The following HECW2 variants were observed in gnomAD, a reference collection of about 807,000 sequenced individuals.
HECW2 encodes the protein HECT, C2 and WW domain containing E3 ubiquitin protein ligase 2, also known as E3 ubiquitin-protein ligase HECW2.
Under a neutral mutation model 175.2 loss-of-function variants are expected in HECW2, and 61 were observed. That is an observed-to-expected ratio of 0.35 (90% CI 0.28 to 0.43). HECW2 has a LOEUF of 0.43. HECW2 is among the 20% of genes least tolerant of loss of function. The probability of loss-of-function intolerance (pLI) is 1.00; values close to 1 mark genes in which losing one functional copy is unlikely to be tolerated. For missense variants in HECW2, 1,524 were observed against 2,000.5 expected (o/e 0.76, Z 4.54); for synonymous variants, 671 against 731.0 (o/e 0.92, Z 1.32).
At chr2:196,537,555 TGA>T (rs1689062113) in intron 1 of HECW2, among the ~76,000 whole-genome samples, 1 of 152,032 alleles carries the variant, frequency 6.6e-6, no homozygotes, top group African/African-American at 2.4e-5. Context: ...CAGGAGAAGC[TGA>T]GGTGTGGCTG....
At chr2:196,315,265 CA>C (rs550902800) in intron 10 of HECW2, among the ~76,000 whole-genome samples, 15 of 150,752 alleles carry the variant, frequency 1.0e-4, no homozygotes, top group Admixed American at 7.3e-4. Context: ...TTATATTTTA[CA>C]AAAAAAAGTT....
intron 1 of HECW2, among the ~76,000 whole-genome samples, chr2:196,589,716 G>A (rs1374256744): frequency 6.6e-6 from 1 of 152,198 alleles, no homozygotes; most frequent in Non-Finnish European, 1.5e-5. Context: ...ACTAGATCTT[G>A]AAACTTGCAT....
chr2:196,461,865 C>T (rs1696758650), intron 1 of HECW2, among the ~76,000 whole-genome samples: 1 of 152,108 alleles, frequency 6.6e-6, no homozygotes, highest in African/African-American at 2.4e-5. Context: ...ATGGGGACCA[C>T]AGGAACCATG....
At chr2:196,410,117 G>A (rs959597428) in intron 2 of HECW2, among the ~76,000 whole-genome samples, 1 of 152,172 alleles carries the variant, frequency 6.6e-6, no homozygotes, top group Admixed American at 6.5e-5. Context: ...TAGGATGGCA[G>A]TGTTATTGTG....
At chr2:196,377,512 C>T (rs1327496121) in intron 2 of HECW2, among the ~76,000 whole-genome samples, 1 of 152,148 alleles carries the variant, frequency 6.6e-6, no homozygotes, top group East Asian at 1.9e-4. Context: ...CAGGGGAACT[C>T]CCCTTTATAA....
In HECW2 at chr2:196,306,538, C is replaced by A; in HGVS notation, c.2764G>T (p.Val922Leu). The change falls in exon 13 of 29, where the codon GTG (valine) becomes TTG (leucine). Residue 922 changes from valine to leucine, a missense_variant. This residue lies in a region of HECW2 where 105 missense variants were observed against 98.1 expected (regional missense o/e 1.07). Coordinates refer to ENST00000644978, the MANE Select transcript of HECW2 (RefSeq NM_001348768.2). ...RITLLLQSPP[V>L]KFLISPEFFT... The stretch of plus-strand genomic sequence containing the variant: ...AACTCTGGGCTGATGAGGAACTTCA[C>A]GGGGGGAGACTGTAACAGCAACGTG... 1.2e-6 allele frequency: 2 copies of A among 1,611,968 alleles called. No homozygotes were observed. The highest frequency in any genetic ancestry group is 1.3e-5 in the African/African-American group (1 of 74,836).
Position 196,322,628 on chromosome 2 carries a change from C to T in HECW2, c.742-8G>A, listed in dbSNP as rs1048044436. ...TGCAAAAAAGGAATATTTCTGAAAA[C>T]ACAAACAGATAACATGCTGGTTTAA... On this transcript the variant is annotated splice_region_variant and splice_polypyrimidine_tract_variant and intron_variant, in intron 6 of 28. Transcript: ENST00000644978. The T allele has an allele frequency of 1.2e-6, 2 of 1,607,172 alleles. No individual in the cohort carries two copies. Among genetic ancestry groups the T allele is most frequent in the African/African-American group, 1.3e-5 (1 of 74,710 alleles).
At chr2:196,425,482 C>T (rs577969976) in intron 2 of HECW2, among the ~76,000 whole-genome samples, 2 of 152,218 alleles carry the variant, frequency 1.3e-5, no homozygotes, top group African/African-American at 4.8e-5. Context: ...TTCTAGATGC[C>T]ATTCACAATT....
At chr2:196,437,072 A>T (rs1402075682) in intron 1 of HECW2, among the ~76,000 whole-genome samples, 1 of 152,168 alleles carries the variant, frequency 6.6e-6, no homozygotes, top group African/African-American at 2.4e-5. Flanking sequence ...TTTTCAGATG[A>T]GGAAACTGAG....
intron 1 of HECW2, among the ~76,000 whole-genome samples, chr2:196,478,677 C>T (rs1048431090): frequency 3.9e-5 from 6 of 152,074 alleles, no homozygotes; most frequent in African/African-American, 1.4e-4. Context: ...AGACCCCCAA[C>T]TCAGCAGAAG....
chr2:196,427,172 G>A (rs919227568), intron 2 of HECW2, among the ~76,000 whole-genome samples: 3 of 151,986 alleles, frequency 2.0e-5, no homozygotes, highest in East Asian at 3.9e-4. Context: ...TTTTCTCATC[G>A]AAGAAATCAG....
intron 2 of HECW2, among the ~76,000 whole-genome samples, chr2:196,378,516 T>C (rs936985529): frequency 6.6e-6 from 1 of 152,208 alleles, no homozygotes; most frequent in Non-Finnish European, 1.5e-5. Flanking sequence ...CACGAGTTCA[T>C]AGCAATATTA....
At chr2:196,500,078 T>C (rs1299290229) in intron 1 of HECW2, among the ~76,000 whole-genome samples, 3 of 152,166 alleles carry the variant, frequency 2.0e-5, no homozygotes, top group Admixed American at 6.5e-5. Context: ...CCCAAAAATG[T>C]TCCTCCTCAA....
chr2:196,281,643 CAAAAAAA>C (rs66656305), intron 14 of HECW2, among the ~76,000 whole-genome samples: 2 of 38,204 alleles, frequency 5.2e-5, no homozygotes, highest in East Asian at 9.7e-4. Flanking sequence ...GACCCCGTCT[CAAAAAAA>C]AAAAAAAAAA....
intron 2 of HECW2, among the ~76,000 whole-genome samples, chr2:196,424,332 A>G (rs2125251846): frequency 6.6e-6 from 1 of 152,212 alleles, no homozygotes; most frequent in East Asian, 1.9e-4. Context: ...GCCAATTAAT[A>G]ACCCTACAAT....
chr2:196,311,896 G>A (rs1319988595), intron 10 of HECW2, among the ~76,000 whole-genome samples: 1 of 152,046 alleles, frequency 6.6e-6, no homozygotes, highest in Non-Finnish European at 1.5e-5. Flanking sequence ...ATAAATAGGC[G>A]CTTTTCAGTG....
At position 196,591,362 on chromosome 2, in the gene HECW2, C is replaced by T. The variant is rs1262522318; in HGVS notation, c.-36+2146G>A. ...TTCCAGCCAGAAGACGGTTTGAGTC[C>T]AAGGGGCCATTTATATACAAGAGCT... is the stretch of plus-strand genomic sequence containing the variant. On this transcript the variant is annotated intron_variant, in intron 1 of 28. Coordinates refer to ENST00000644978, the MANE Select transcript of HECW2 (RefSeq NM_001348768.2). Among the ~76,000 whole-genome samples the T allele has an allele frequency of 2.6e-5, 4 of 152,090 alleles. No homozygotes were observed. In the East Asian group the frequency reaches 7.7e-4, roughly 29 times the overall value.
chr2:196,374,809 T>A (rs1308912185), intron 2 of HECW2, among the ~76,000 whole-genome samples: 3 of 148,304 alleles, frequency 2.0e-5, no homozygotes, highest in Admixed American at 6.7e-5. Context: ...AGCATAGACG[T>A]GGGATACATC....
intron 2 of HECW2, among the ~76,000 whole-genome samples, chr2:196,400,307 G>A (rs1224416930): frequency 6.6e-6 from 1 of 152,172 alleles, no homozygotes; most frequent in Non-Finnish European, 1.5e-5. Context: ...ATACATCAGT[G>A]AGGAAATGGG....
Sources: allele counts gnomAD v4.1 joint callset (sites outside exome capture counted in the v4.1 genomes callset), GRCh38; gene constraint gnomAD v4.1.1; regional missense constraint gnomAD v4.1.1; transcripts MANE v1.5; gene names NCBI Gene and HGNC (gene_info 2026-07-23, HGNC 2026-07-21).